Variants in NYAP2 observed in about 807,000 individuals in gnomAD.
NYAP2 encodes the protein neuronal tyrosine-phosphorylated phosphoinositide-3-kinase adaptor 2.
In NYAP2, 23 loss-of-function variants were observed where a neutral mutation model predicts 50.4. The ratio of observed to expected loss-of-function variants is 0.46; its 90% CI spans 0.33 to 0.65. The LOEUF (loss-of-function observed/expected upper bound fraction) is 0.65, where lower values mean the gene tolerates loss of function less well. Ranked by LOEUF, NYAP2 falls within the 30% of genes least tolerant of loss-of-function variation. The pLI is 0.02. For synonymous variants in NYAP2, 394 were observed against 365.2 expected (o/e 1.08, Z -0.90); for missense variants, 885 against 861.0 (o/e 1.03, Z -0.35).
rs568878179 is a variant in NYAP2, at chr2:225,519,223, C to G, written c.523+5551C>G. Among the ~76,000 whole-genome samples, 4 of 151,480 alleles carry G rather than the reference C, an allele frequency of 2.6e-5. No individual in the cohort carries two copies. In the South Asian group the frequency reaches 8.4e-4, roughly 32 times the overall value. ...TAATCTTTTAATAATATGATATTAA[C>G]ATAGTATTTAGTATAAAGAATATTT... On this transcript the variant is annotated intron_variant, in intron 4 of 6. Coordinates refer to ENST00000636099, the Ensembl canonical transcript of NYAP2.
intron 4 of NYAP2, among the ~76,000 whole-genome samples, chr2:225,557,789 A>G (rs942399038): frequency 2.6e-5 from 4 of 152,174 alleles, no homozygotes; most frequent in Non-Finnish European, 4.4e-5. Context: ...TCAGGTTAAT[A>G]TAAAAAGGGC....
At chr2:225,509,981 G>C (rs114928827) in intron 3 of NYAP2, among the ~76,000 whole-genome samples, 48 of 152,334 alleles carry the variant, frequency 3.2e-4, no homozygotes, top group African/African-American at 1.1e-3. Flanking sequence ...AGTCAGTGGA[G>C]AGTGATGGAA....
chr2:225,617,704 A>C (rs1177407793), intron 5 of NYAP2, among the ~76,000 whole-genome samples: 3 of 152,218 alleles, frequency 2.0e-5, no homozygotes, highest in African/African-American at 7.2e-5. Flanking sequence ...GGAAACATTT[A>C]TGGCTTAAGA....
intron 4 of NYAP2, 128 bp downstream of exon 4, chr2:225,513,800 A>G: frequency 1.6e-6 from 1 of 618,662 alleles, no homozygotes; most frequent in Non-Finnish European, 2.4e-6. Flanking sequence ...AAGTCCCAGA[A>G]AAGAAGAATT....
chr2:225,416,402 A>G (rs1695123115), intron 3 of NYAP2, among the ~76,000 whole-genome samples: 1 of 152,148 alleles, frequency 6.6e-6, no homozygotes. Flanking sequence ...ATTTTTTTCA[A>G]TGCTCATGGG....
chr2:225,501,612 C>T (rs1027623615), intron 3 of NYAP2, among the ~76,000 whole-genome samples: 24 of 152,160 alleles, frequency 1.6e-4, no homozygotes, highest in African/African-American at 4.3e-4. Context: ...AGCATTCCAT[C>T]ATACATTTTT....
Position 225,582,947 on chromosome 2 carries a change from G to T in NYAP2, c.1530G>T (p.Pro510=), listed in dbSNP as rs558213296. Residue 510 remains proline, a synonymous_variant, in exon 5 of 7, where the codon CCG becomes CCT. Coordinates refer to ENST00000636099, the Ensembl canonical transcript of NYAP2. This position sits in a 1 kb window ranked among gnomAD's most constrained non-coding sequence, Gnocchi z 7.0. Reference sequence around the variant, plus strand: ...CCCGGTCCCGGACACCCACGAGCCCGCTGGAGGAGCTGACCAGCCTCTTCT... The same window carrying T: ...CCCGGTCCCGGACACCCACGAGCCCTCTGGAGGAGCTGACCAGCCTCTTCT... The T allele has an allele frequency of 1.3e-5, 21 of 1,612,302 alleles. No homozygotes were observed. Among genetic ancestry groups the T allele is most frequent in the African/African-American group, 2.7e-5 (2 of 74,922 alleles).
intron 4 of NYAP2, among the ~76,000 whole-genome samples, chr2:225,534,265 A>C (rs1691308710): frequency 6.6e-6 from 1 of 152,210 alleles, no homozygotes; most frequent in Non-Finnish European, 1.5e-5. Flanking sequence ...ATTCCCCCAA[A>C]GGATGTGGGA....
At chr2:225,678,968 A>G in the NYAP2 span, among the ~76,000 whole-genome samples, 26 of 152,322 alleles carry the variant, frequency 1.7e-4, no homozygotes, top group East Asian at 3.7e-3. Context: ...AATTTATGAT[A>G]AAGTAGATTG....
At chr2:225,423,591 C>T (rs1695246012) in intron 3 of NYAP2, among the ~76,000 whole-genome samples, 1 of 152,128 alleles carries the variant, frequency 6.6e-6, no homozygotes, top group Admixed American at 6.5e-5. Context: ...AAACAGATCT[C>T]TCATATTGTG....
intron 3 of NYAP2, among the ~76,000 whole-genome samples, chr2:225,468,376 T>C (rs1381269179): frequency 1.3e-5 from 2 of 152,168 alleles, no homozygotes; most frequent in African/African-American, 4.8e-5. Flanking sequence ...AAAGAATACA[T>C]TTCTGTTATT....
chr2:225,661,635 G>A, the NYAP2 span, among the ~76,000 whole-genome samples: 1 of 152,036 alleles, frequency 6.6e-6, no homozygotes, highest in African/African-American at 2.4e-5. Context: ...CTTTATGGAT[G>A]TAAGATATAA....
At chr2:225,558,706 G>A (rs1249555310) in intron 4 of NYAP2, among the ~76,000 whole-genome samples, 1 of 151,868 alleles carries the variant, frequency 6.6e-6, no homozygotes, top group Non-Finnish European at 1.5e-5. Context: ...CAGGTTTTAG[G>A]CTATGGACAT....
chr2:225,593,404 C>A (rs557334665), intron 5 of NYAP2, among the ~76,000 whole-genome samples: 1 of 152,218 alleles, frequency 6.6e-6, no homozygotes, highest in African/African-American at 2.4e-5. Context: ...AAAGGGAGGA[C>A]CCCCTTCCTC....
chr2:225,523,575 A>G (rs1335212810), intron 4 of NYAP2, among the ~76,000 whole-genome samples: 5 of 152,136 alleles, frequency 3.3e-5, no homozygotes, highest in Admixed American at 1.3e-4. Flanking sequence ...GATGACACAA[A>G]TGGAAAAACA....
At chr2:225,539,696 AT>A (rs568963121) in intron 4 of NYAP2, among the ~76,000 whole-genome samples, 21 of 149,130 alleles carry the variant, frequency 1.4e-4, no homozygotes, top group Admixed American at 3.3e-4. Flanking sequence ...GGGTTGTTTG[AT>A]TTTTTTTTTC....
intron 3 of NYAP2, among the ~76,000 whole-genome samples, chr2:225,487,054 C>A (rs1690312878): frequency 6.6e-6 from 1 of 152,248 alleles, no homozygotes; most frequent in Admixed American, 6.5e-5. Flanking sequence ...GTGCTCTTAT[C>A]TCCTCCAGTT....
chr2:225,658,789 A>G (rs539583627), downstream of NYAP2, among the ~76,000 whole-genome samples: 1 of 152,348 alleles, frequency 6.6e-6, no homozygotes, highest in East Asian at 1.9e-4. Flanking sequence ...ATGTAAAATG[A>G]AATGTTGGAA....
intron 6 of NYAP2, among the ~76,000 whole-genome samples, chr2:225,636,783 T>G (rs1271211280): frequency 6.6e-6 from 1 of 152,178 alleles, no homozygotes; most frequent in Non-Finnish European, 1.5e-5. Flanking sequence ...CACCACCATG[T>G]GAACATGCCT....
Sources: gnomAD v4.1 joint callset for allele counts (sites outside exome capture counted in the v4.1 genomes callset) on GRCh38, gnomAD v4.1.1 for gene constraint, Gnocchi (gnomAD v3.1) non-coding constraint, MANE v1.5 for transcripts, NCBI Gene and HGNC (gene_info 2026-07-23, HGNC 2026-07-21) for gene names.